The following ZNF599 variants were observed in gnomAD, a reference collection of about 807,000 sequenced individuals.
ZNF599 encodes the protein zinc finger protein 599.
In ZNF599, 10 loss-of-function variants were observed where a neutral mutation model predicts 11.7. The ratio of observed to expected loss-of-function variants is 0.86; its 90% CI spans 0.53 to 1.45. ZNF599 has a LOEUF of 1.45. Ranked by LOEUF, ZNF599 falls within the 40% of genes most tolerant of loss-of-function variation. The pLI is 0.00. For missense variants in ZNF599, 688 were observed against 713.6 expected, an observed-to-expected ratio of 0.96 and a Z score of 0.41; for synonymous variants, 232 against 253.2, an observed-to-expected ratio of 0.92 and a Z score of 0.79.
intron 2 of ZNF599, 106 bp downstream of exon 2, chr19:34,769,323 G>T: frequency 6.7e-7 from 1 of 1,484,490 alleles, no homozygotes; most frequent in Non-Finnish European, 9.3e-7. Flanking sequence ...GAGGCTGCAG[G>T]GATCAGGGAA....
chr19:34,762,635 A>C (rs561361286), intron 3 of ZNF599, among the ~76,000 whole-genome samples: 3 of 152,166 alleles, frequency 2.0e-5, no homozygotes, highest in Non-Finnish European at 4.4e-5. Context: ...TATTCATGCA[A>C]TTGACTCTAG....
the ZNF599 span, among the ~76,000 whole-genome samples, chr19:34,784,613 GT>G: frequency 8.6e-5 from 13 of 152,022 alleles, no homozygotes; most frequent in African/African-American, 2.9e-4. Context: ...TCTCTTCTGT[GT>G]TGTGCATTCT....
chr19:34,773,431 G>C (rs888393973), upstream of ZNF599, among the ~76,000 whole-genome samples: 2 of 152,022 alleles, frequency 1.3e-5, no homozygotes, highest in Non-Finnish European at 2.9e-5. Context: ...GAGGCACACA[G>C]AGTTCCGTGG....
In ZNF599 at chr19:34,768,974, G is replaced by C. The variant is rs114423466; in HGVS notation, c.145+455C>G. Among the ~76,000 whole-genome samples, 461 of 152,328 alleles carry C rather than the reference G, an allele frequency of 3.0e-3. 6 individuals are homozygous for C. The highest frequency in any genetic ancestry group is 0.011 in the African/African-American group (444 of 41,572). ...TAGGAAGTAAGGGTTAACTGTGCAG[G>C]TGCTAGGAGCCAAAGAGACCTTTCA... On this transcript the variant is annotated intron_variant, in intron 2 of 3. Coordinates refer to ENST00000329285, the MANE Select transcript of ZNF599 (RefSeq NM_001007248.3).
chr19:34,781,246 A>C, the ZNF599 span, among the ~76,000 whole-genome samples: 1 of 152,096 alleles, frequency 6.6e-6, no homozygotes, highest in Non-Finnish European at 1.5e-5. Flanking sequence ...AAGAGAAAGA[A>C]AGAAAGAAGA....
Position 34,758,958 on chromosome 19 carries a change from A to T in ZNF599, c.*76T>A. ...CCAAAATATTTCCCTCAATAGTTATACTCAAAAGGAAAGGTATGTCACCAC... is the reference window on the plus strand; with the variant it reads ...CCAAAATATTTCCCTCAATAGTTATTCTCAAAAGGAAAGGTATGTCACCAC... On this transcript the variant is annotated 3_prime_UTR_variant, in exon 4 of 4. Coordinates refer to ENST00000329285, the MANE Select transcript of ZNF599 (RefSeq NM_001007248.3). 1 of 1,431,032 alleles carries T rather than the reference A, an allele frequency of 7.0e-7. No homozygotes were observed. The highest frequency in any genetic ancestry group is 1.4e-5 in the South Asian group (1 of 71,482). 88.6% of individuals were successfully genotyped at this position (1,431,032 alleles called of 1,614,324 possible).
upstream of ZNF599, among the ~76,000 whole-genome samples, chr19:34,777,465 TTATATATTAATTAATATATAATATATGA>T (rs1568497115): frequency 1.0e-5 from 1 of 96,458 alleles, no homozygotes; most frequent in East Asian, 2.4e-4. Flanking sequence ...ATATAATATA[TTATATATTAATTAATATATAATATATGA>T]TATATATTAA....
At chr19:34,786,489 C>T in the ZNF599 span, among the ~76,000 whole-genome samples, 1 of 152,016 alleles carries the variant, frequency 6.6e-6, no homozygotes, top group Non-Finnish European at 1.5e-5. Context: ...TTGACTTGGC[C>T]CCTGTGGAGT....
upstream of ZNF599, among the ~76,000 whole-genome samples, chr19:34,777,374 T>A (rs1232113006): frequency 5.2e-5 from 4 of 76,696 alleles, no homozygotes; most frequent in Non-Finnish European, 6.9e-5. Flanking sequence ...ATATTATATA[T>A]TATATATTAA....
upstream of ZNF599, among the ~76,000 whole-genome samples, chr19:34,774,689 A>G (rs2069208275): frequency 6.6e-6 from 1 of 152,196 alleles, no homozygotes; most frequent in Non-Finnish European, 1.5e-5. Flanking sequence ...TAATTTAGTC[A>G]TCAGATTTCC....
At chr19:34,786,481 G>C in the ZNF599 span, among the ~76,000 whole-genome samples, 8 of 152,052 alleles carry the variant, frequency 5.3e-5, no homozygotes, top group Non-Finnish European at 1.5e-5. Flanking sequence ...CCTGGGAATT[G>C]ACTTGGCCCC....
At chr19:34,796,913 C>T in the ZNF599 span, among the ~76,000 whole-genome samples, 2 of 152,094 alleles carry the variant, frequency 1.3e-5, no homozygotes, top group Non-Finnish European at 2.9e-5. Context: ...GTTTTGCTGA[C>T]GTCCTTTTAA....
chr19:34,760,575 T>C lies in ZNF599; in HGVS notation c.242-16A>G. The C allele has an allele frequency of 1.3e-6, 2 of 1,571,982 alleles. No individual in the cohort carries two copies. The highest frequency in any genetic ancestry group is 1.7e-6 in the Non-Finnish European group (2 of 1,164,578). On this transcript the variant is annotated splice_polypyrimidine_tract_variant and intron_variant, in intron 3 of 3. Transcript: ENST00000329285. ...GCTTTTTCACCTGAAGGAAATCCAA[T>C]ATAAAAAAAACTGAACATTAGTGAT...
chr19:34,763,857 G>C (rs1241071359), intron 3 of ZNF599: 1 of 152,032 alleles, frequency 6.6e-6, no homozygotes, highest in African/African-American at 2.4e-5. Context: ...GCTGAGGCAG[G>C]AAGATCACTT....
chr19:34,769,488 G>T lies in ZNF599; in HGVS notation c.86C>A (p.Ala29Asp), dbSNP rs1449963356. 4 of 1,614,100 alleles carry T rather than the reference G, an allele frequency of 2.5e-6. No homozygotes were observed. The highest frequency in any genetic ancestry group is 1.3e-5 in the African/African-American group (1 of 74,946). Reference protein sequence around the residue: ...TGEEWGHLDLAQRTLYQEVML... With the variant: ...TGEEWGHLDLDQRTLYQEVML... ...CACCTCCTGGTACAGGGTCCTCTGG[G>T]CCAGGTCCAGGTGCCCCCATTCCTC... is the stretch of plus-strand genomic sequence containing the variant. Residue 29 changes from alanine to aspartate, a missense_variant, in exon 2 of 4, where the codon GCC (alanine) becomes GAC (aspartate). By Grantham distance (126) the Ala-to-Asp change is moderately radical. Transcript: ENST00000329285.
chr19:34,787,535 A>C, the ZNF599 span, among the ~76,000 whole-genome samples: 1,356 of 152,338 alleles, frequency 8.9e-3, 8 homozygotes, highest in East Asian at 0.022. Context: ...AACGCTTGAG[A>C]ACATCACAGC....
chr19:34,807,470 C>T, the ZNF599 span, among the ~76,000 whole-genome samples: 1,253 of 152,328 alleles, frequency 8.2e-3, 15 homozygotes, highest in African/African-American at 0.029. Flanking sequence ...CTCAGTCTTA[C>T]CTCTGTGCAG....
the ZNF599 span, among the ~76,000 whole-genome samples, chr19:34,783,026 G>C: frequency 3.9e-5 from 6 of 152,192 alleles, no homozygotes; most frequent in Non-Finnish European, 8.8e-5. Flanking sequence ...CTCCCAGTTT[G>C]TACCCTGTTG....
Position 34,767,975 on chromosome 19 carries a change from GTCT to G in ZNF599, c.146-567_146-565del, listed in dbSNP as rs575162784. Among the ~76,000 whole-genome samples, 39 of 152,294 alleles carry G rather than the reference GTCT, an allele frequency of 2.6e-4. 1 individual carries two copies. In the South Asian group the frequency reaches 8.1e-3, roughly 32 times the overall value. On this transcript the variant is annotated intron_variant, in intron 2 of 3. Transcript: ENST00000329285. ...TTCAGGGTGAAACTGGCAGGAGGTG[GTCT>G]TCTTCCACATGCAGCCACACACATT...
Sources: allele counts gnomAD v4.1 joint callset (sites outside exome capture counted in the v4.1 genomes callset), GRCh38; gene constraint gnomAD v4.1.1; transcripts MANE v1.5; gene names NCBI Gene and HGNC (gene_info 2026-07-23, HGNC 2026-07-21).